AGPAT4: variants seen among roughly 807,000 people sequenced by gnomAD.
AGPAT4 encodes the protein 1-acylglycerol-3-phosphate O-acyltransferase 4.
In AGPAT4, 15 loss-of-function variants were observed where a neutral mutation model predicts 48.0. The ratio of observed to expected loss-of-function variants is 0.31; its 90% CI spans 0.21 to 0.48. AGPAT4 has a LOEUF of 0.48. AGPAT4 is among the 20% of genes least tolerant of loss of function. AGPAT4 has a pLI of 0.99. For synonymous variants in AGPAT4, 178 were observed against 198.7 expected, an observed-to-expected ratio of 0.90 and a Z score of 0.88; for missense variants, 314 against 482.5, an observed-to-expected ratio of 0.65 and a Z score of 3.27.
chr6:161,207,263 A>G (rs1781401110), intron 2 of AGPAT4, among the ~76,000 whole-genome samples: 1 of 152,180 alleles, frequency 6.6e-6, no homozygotes, highest in Admixed American at 6.5e-5. Context: ...AAGATATAAG[A>G]GCTCCTCTCG....
intron 2 of AGPAT4, among the ~76,000 whole-genome samples, chr6:161,188,019 T>C (rs186156011): frequency 1.8e-4 from 28 of 152,342 alleles, no homozygotes; most frequent in Admixed American, 9.1e-4. Flanking sequence ...ATTATCCAAA[T>C]TCATTACCCA....
rs1242671308 is a variant in AGPAT4, at chr6:161,218,469, G to A, written c.178+13567C>T. ...GCAAGAATACCTTTACTTTACGTTT[G>A]TCTAGCACCTTACAATTTATTTCCC... On this transcript the variant is annotated intron_variant, in intron 2 of 8. Coordinates refer to ENST00000320285, the MANE Select transcript of AGPAT4 (RefSeq NM_020133.3). The surrounding 1 kb of genome is among the most constrained non-coding windows in gnomAD (Gnocchi z 4.7). 1.3e-5 allele frequency among the ~76,000 whole-genome samples: 2 copies of A among 152,188 alleles called. No homozygotes were observed. The highest frequency in any genetic ancestry group is 2.9e-5 in the Non-Finnish European group (2 of 68,036).
At chr6:161,153,213 GA>G in intron 5 of AGPAT4, 132 bp downstream of exon 5, 1 of 1,262,234 alleles carries the variant, frequency 7.9e-7, no homozygotes, top group Non-Finnish European at 1.1e-6. Flanking sequence ...GACTGGACTT[GA>G]GCAGCCACTC....
chr6:161,163,492 G>A (rs1779997845), intron 3 of AGPAT4, among the ~76,000 whole-genome samples: 1 of 152,124 alleles, frequency 6.6e-6, no homozygotes, highest in Admixed American at 6.5e-5. Flanking sequence ...GGGTGGCAGA[G>A]ATGAGCACCA....
chr6:161,158,244 C>G lies in AGPAT4; in HGVS notation c.349-3934G>C, dbSNP rs1779816371. Among the ~76,000 whole-genome samples, 3 of 152,190 alleles carry G rather than the reference C, an allele frequency of 2.0e-5. 1 individual carries two copies. The South Asian group carries it at 6.2e-4, about 31-fold the overall frequency. ...TAAGACATACTGACAGTTCCCCCGGCAAAAGGTTCAATAGGCTATAACTAT... is the reference window on the plus strand; with the variant it reads ...TAAGACATACTGACAGTTCCCCCGGGAAAAGGTTCAATAGGCTATAACTAT... On this transcript the variant is annotated intron_variant, in intron 3 of 8. Transcript: ENST00000320285. This position sits in a 1 kb window ranked among gnomAD's most constrained non-coding sequence, Gnocchi z 5.3.
rs1264247630 is a variant in AGPAT4 at position 161,219,875 on chromosome 6, G to GATAGATAGA, written c.178+12160_178+12161insTCTATCTAT. On this transcript the variant is annotated intron_variant, in intron 2 of 8. Coordinates refer to ENST00000320285, the MANE Select transcript of AGPAT4 (RefSeq NM_020133.3). The surrounding 1 kb of genome is among the most constrained non-coding windows in gnomAD (Gnocchi z 4.9). The stretch of plus-strand genomic sequence containing the variant: ...GATAGATAGATAGATAGATAGATAG[G>GATAGATAGA]CAGGCAGGCAGGCAGGCAGGCAGGC... 5.4e-4 allele frequency among the ~76,000 whole-genome samples: 41 copies of GATAGATAGA among 75,766 alleles called. No homozygotes were observed. Among genetic ancestry groups the GATAGATAGA allele is most frequent in the Middle Eastern group, 7.8e-3 (1 of 128 alleles). The allele number at this position is 75,766 out of a possible 152,430, so 49.7% of individuals were successfully genotyped here.
At chr6:161,187,984 T>G (rs2064721) in intron 2 of AGPAT4, among the ~76,000 whole-genome samples, 1 of 152,098 alleles carries the variant, frequency 6.6e-6, no homozygotes, top group African/African-American at 2.4e-5. Flanking sequence ...CTTTCCCTTA[T>G]TGAAATGTAA....
In AGPAT4 at chr6:161,270,095, A is replaced by G. The variant is rs925738246; in HGVS notation, c.-90+3843T>C. On this transcript the variant is annotated intron_variant, in intron 1 of 8. Coordinates refer to ENST00000320285, the MANE Select transcript of AGPAT4 (RefSeq NM_020133.3). This position sits in a 1 kb window ranked among gnomAD's most constrained non-coding sequence, Gnocchi z 5.3. ...ATTCAGTCATTAGAAGAAAATGGGT[A>G]TCTGCCAGTCATGGGGTTTCCCTTG... Among the ~76,000 whole-genome samples the G allele has an allele frequency of 2.0e-5, 3 of 152,252 alleles. No homozygotes were observed. Among genetic ancestry groups the G allele is most frequent in the African/African-American group, 7.2e-5 (3 of 41,468 alleles).
Position 161,158,582 on chromosome 6 carries a change from G to A in AGPAT4, c.349-4272C>T, listed in dbSNP as rs916214100. Among the ~76,000 whole-genome samples, 2 of 152,168 alleles carry A rather than the reference G, an allele frequency of 1.3e-5. No homozygotes were observed. The highest frequency in any genetic ancestry group is 2.9e-5 in the Non-Finnish European group (2 of 68,036). ...AGGCTCCCCACAGCTCAGGGAAGCA[G>A]CCAGCCCCATGACCTGGTCTGCATC... On this transcript the variant is annotated intron_variant, in intron 3 of 8. Transcript: ENST00000320285. This position sits in a 1 kb window ranked among gnomAD's most constrained non-coding sequence, Gnocchi z 5.3.
In AGPAT4 at chr6:161,242,922, G is replaced by T. The variant is rs544277082; in HGVS notation, c.-89-10620C>A. ...GTCTCTACTAAGAACACAAAAATTA[G>T]CCGGGCGTGGTGGCACGTGCCTCCC... is the stretch of plus-strand genomic sequence containing the variant. On this transcript the variant is annotated intron_variant, in intron 1 of 8. Transcript: ENST00000320285. This position sits in a 1 kb window ranked among gnomAD's most constrained non-coding sequence, Gnocchi z 5.0. Among the ~76,000 whole-genome samples, 42 of 152,158 alleles carry T rather than the reference G, an allele frequency of 2.8e-4. No individual in the cohort carries two copies. Among genetic ancestry groups the T allele is most frequent in the Non-Finnish European group, 5.3e-4 (36 of 67,998 alleles).
At chr6:161,151,593 T>C (rs1232263521) in intron 5 of AGPAT4, among the ~76,000 whole-genome samples, 2 of 152,248 alleles carry the variant, frequency 1.3e-5, no homozygotes, top group Non-Finnish European at 2.9e-5. Flanking sequence ...ATTAAATGTT[T>C]ATCATGTACC....
intron 3 of AGPAT4, among the ~76,000 whole-genome samples, chr6:161,162,573 C>T (rs568784239): frequency 1.2e-4 from 19 of 152,330 alleles, no homozygotes; most frequent in Admixed American, 9.8e-4. Context: ...CCAGATCCCC[C>T]GCTCAGCTGC....
intron 2 of AGPAT4, among the ~76,000 whole-genome samples, chr6:161,188,281 T>C (rs546020072): frequency 6.6e-6 from 1 of 152,236 alleles, no homozygotes; most frequent in Non-Finnish European, 1.5e-5. Context: ...TTAGGATATT[T>C]AATTTTGTCT....
intron 2 of AGPAT4, among the ~76,000 whole-genome samples, chr6:161,192,712 A>G (rs1479622327): frequency 6.6e-6 from 1 of 152,150 alleles, no homozygotes; most frequent in East Asian, 1.9e-4. Flanking sequence ...ATGGTGAAAA[A>G]CACAATTATT....
Position 161,149,311 on chromosome 6 carries a change from C to T in AGPAT4, c.665-22G>A, listed in dbSNP as rs1779524004. On this transcript the variant is annotated intron_variant, in intron 5 of 8. Coordinates refer to ENST00000320285, the MANE Select transcript of AGPAT4 (RefSeq NM_020133.3). This position sits in a 1 kb window ranked among gnomAD's most constrained non-coding sequence, Gnocchi z 6.5. ...GAAACTATAAAAAATAAAACAAATA[C>T]AAAGCAGTATATAGCGTGTGAACCC... is the stretch of plus-strand genomic sequence containing the variant. 1 of 1,598,522 alleles carries T rather than the reference C, an allele frequency of 6.3e-7. No individual in the cohort carries two copies. Among genetic ancestry groups the T allele is most frequent in the Admixed American group, 1.7e-5 (1 of 58,218 alleles).
At position 161,215,083 on chromosome 6, in the gene AGPAT4, TA is replaced by T. The variant is rs1191988372; in HGVS notation, c.178+16952del. Among the ~76,000 whole-genome samples, 10 of 152,208 alleles carry T rather than the reference TA, an allele frequency of 6.6e-5. No homozygotes were observed. On this transcript the variant is annotated intron_variant, in intron 2 of 8. Coordinates refer to ENST00000320285, the MANE Select transcript of AGPAT4 (RefSeq NM_020133.3). The surrounding 1 kb of genome is among the most constrained non-coding windows in gnomAD (Gnocchi z 4.5). Reference sequence around the variant, plus strand: ...TTTTTTATGTGACATTTTAAATACTTATTTAAATACCCCATAGAGACTGTCT... The same window carrying T: ...TTTTTTATGTGACATTTTAAATACTTTTTAAATACCCCATAGAGACTGTCT...
Position 161,222,497 on chromosome 6 carries a change from T to C in AGPAT4, c.178+9539A>G, listed in dbSNP as rs775682780. Among the ~76,000 whole-genome samples the C allele has an allele frequency of 5.9e-5, 9 of 152,154 alleles. No homozygotes were observed. The highest frequency in any genetic ancestry group is 1.3e-4 in the Non-Finnish European group (9 of 68,026). On this transcript the variant is annotated intron_variant, in intron 2 of 8. Coordinates refer to ENST00000320285, the MANE Select transcript of AGPAT4 (RefSeq NM_020133.3). The surrounding 1 kb of genome is among the most constrained non-coding windows in gnomAD (Gnocchi z 5.9). ...TTTGTATTGTGCTATTTTTACTTAA[T>C]AATATTTAGGGTATAACGTGGTTCA...
At position 161,166,557 on chromosome 6, in the gene AGPAT4, C is replaced by T; in HGVS notation, c.179-140G>A. 1 of 913,462 alleles carries T rather than the reference C, an allele frequency of 1.1e-6. No homozygotes were observed. Among genetic ancestry groups the T allele is most frequent in the Non-Finnish European group, 1.6e-6 (1 of 634,948 alleles). The allele number at this position is 913,462 out of a possible 1,614,324, so 56.6% of individuals were successfully genotyped here. ...AGTTCTGGATCGTTGCAGCACAGAC[C>T]TTGGTCCTTGAAAGGGTTCAGAAGC... On this transcript the variant is annotated intron_variant, in intron 2 of 8. Coordinates refer to ENST00000320285, the MANE Select transcript of AGPAT4 (RefSeq NM_020133.3). This position sits in a 1 kb window ranked among gnomAD's most constrained non-coding sequence, Gnocchi z 6.7.
chr6:161,232,065 T>C lies in AGPAT4; in HGVS notation c.149A>G (p.Asn50Ser). 3.1e-6 allele frequency: 5 copies of C among 1,614,072 alleles called. No individual in the cohort carries two copies. The highest frequency in any genetic ancestry group is 4.2e-6 in the Non-Finnish European group (5 of 1,179,972). The change falls in exon 2 of 9, where the codon AAC becomes AGC. Residue 50 changes from asparagine (N) to serine (S), a missense_variant. Asn to Ser is a conservative substitution (Grantham distance 46). Coordinates refer to ENST00000320285, the MANE Select transcript of AGPAT4 (RefSeq NM_020133.3). The surrounding 1 kb of genome is among the most constrained non-coding windows in gnomAD (Gnocchi z 6.8). The stretch of plus-strand genomic sequence containing the variant: ...TGAGATGCAATAGGACAGTCTGCAG[T>C]TGATCTTCCGGAAGAGCTGCTTGTT... ...PINKQLFRKI[N>S]CRLSYCISSQ... is the part of the protein sequence containing the mutation.
Sources: gnomAD v4.1 joint callset for allele counts (sites outside exome capture counted in the v4.1 genomes callset) on GRCh38, gnomAD v4.1.1 for gene constraint, Gnocchi (gnomAD v3.1) non-coding constraint, MANE v1.5 for transcripts, NCBI Gene and HGNC (gene_info 2026-07-23, HGNC 2026-07-21) for gene names.